KDM2B: variants seen among roughly 807,000 people sequenced by gnomAD.
KDM2B encodes the protein lysine demethylase 2B.
Under a neutral mutation model 150.0 loss-of-function variants are expected in KDM2B, and 26 were observed. The observed-to-expected ratio is 0.17, with a 90% CI of 0.13 to 0.24. KDM2B has a LOEUF of 0.24. Among genes scored for constraint, KDM2B ranks in the 10% least tolerant of loss-of-function variants. The probability of loss-of-function intolerance (pLI) is 1.00; values close to 1 mark genes in which losing one functional copy is unlikely to be tolerated. For missense variants in KDM2B, 1,265 were observed against 1,816.9 expected (o/e 0.70, Z 5.52); for synonymous variants, 734 against 729.5 (o/e 1.01, Z -0.10).
At chr12:121,464,067 A>AT (rs1555294281) in intron 12 of KDM2B, among the ~76,000 whole-genome samples, 3,557 of 152,206 alleles carry the variant, frequency 0.023, 138 homozygotes, top group African/African-American at 0.082. Context: ...CTATATAAAT[A>AT]AAAAATAAAA....
intron 12 of KDM2B, among the ~76,000 whole-genome samples, chr12:121,486,045 G>A (rs150246427): frequency 0.019 from 2,950 of 151,804 alleles, 96 homozygotes; most frequent in African/African-American, 0.068. Context: ...CCAAAGTGCT[G>A]GAATTACAGG....
At chr12:121,500,551 T>C (rs370905017) in intron 11 of KDM2B, among the ~76,000 whole-genome samples, 22 of 152,328 alleles carry the variant, frequency 1.4e-4, no homozygotes, top group African/African-American at 5.3e-4. Context: ...ACTCCCTCCA[T>C]GCCATGACTA....
At chr12:121,543,512 T>A (rs969181479) in intron 6 of KDM2B, among the ~76,000 whole-genome samples, 8 of 151,060 alleles carry the variant, frequency 5.3e-5, no homozygotes, top group African/African-American at 9.7e-5. Flanking sequence ...TCTACAAATT[T>A]AAAAAAAAAT....
chr12:121,443,650 G>C (rs371229389), intron 17 of KDM2B, 30 bp downstream of exon 17: 2 of 1,381,616 alleles, frequency 1.4e-6, no homozygotes, highest in African/African-American at 2.8e-5. Flanking sequence ...AGTCCCCGGG[G>C]CCTCAGGAGG....
At chr12:121,540,562 A>G (rs1186049479) in intron 6 of KDM2B, among the ~76,000 whole-genome samples, 1 of 151,816 alleles carries the variant, frequency 6.6e-6, no homozygotes, top group African/African-American at 2.4e-5. Flanking sequence ...CAGCCTGGCC[A>G]ACATGGTGAA....
intron 12 of KDM2B, among the ~76,000 whole-genome samples, chr12:121,491,569 C>T (rs1334549734): frequency 2.6e-5 from 4 of 151,620 alleles, no homozygotes; most frequent in Non-Finnish European, 5.9e-5. Flanking sequence ...GAGGTGGGCA[C>T]ATCACCTAAG....
intron 4 of KDM2B, among the ~76,000 whole-genome samples, chr12:121,567,723 T>C (rs1371353300): frequency 6.7e-6 from 1 of 148,422 alleles, no homozygotes; most frequent in Non-Finnish European, 1.5e-5. Context: ...TTTTTTTTTT[T>C]TTTTTGAGAC....
intron 6 of KDM2B, among the ~76,000 whole-genome samples, chr12:121,545,382 C>T (rs1555310540): frequency 5.4e-5 from 8 of 149,092 alleles, no homozygotes; most frequent in Admixed American, 3.3e-4. Flanking sequence ...TGACAGACAA[C>T]GGTTTTAAAA....
chr12:121,580,367 TGGG>T, intron 1 of KDM2B: 2 of 447,818 alleles, frequency 4.5e-6, no homozygotes, highest in Non-Finnish European at 2.5e-6. Flanking sequence ...CTTGGGGGGG[TGGG>T]GGCGGCGGCC....
intron 13 of KDM2B, among the ~76,000 whole-genome samples, chr12:121,451,939 A>G (rs1367729996): frequency 6.6e-6 from 1 of 152,154 alleles, no homozygotes. Context: ...TTTGGTACAA[A>G]TACACTTTCA....
chr12:121,516,000 A>C (rs1886151965), intron 9 of KDM2B, among the ~76,000 whole-genome samples: 1 of 152,206 alleles, frequency 6.6e-6, no homozygotes, highest in Non-Finnish European at 1.5e-5. Flanking sequence ...AGTTTAAAAA[A>C]GAGGGGCTCC....
intron 13 of KDM2B, among the ~76,000 whole-genome samples, chr12:121,451,816 G>A (rs1877331425): frequency 1.3e-5 from 2 of 152,012 alleles, no homozygotes; most frequent in Admixed American, 6.6e-5. Flanking sequence ...GGAGACTGAG[G>A]CAGGAGAATC....
chr12:121,491,688 G>T (rs1361902655), intron 12 of KDM2B, among the ~76,000 whole-genome samples: 3 of 151,776 alleles, frequency 2.0e-5, no homozygotes, highest in Admixed American at 1.3e-4. Context: ...CAGCTATTCG[G>T]GAGGCTGAGG....
At chr12:121,458,487 G>C (rs1555293266) in intron 12 of KDM2B, among the ~76,000 whole-genome samples, 2 of 127,512 alleles carry the variant, frequency 1.6e-5, no homozygotes, top group Non-Finnish European at 3.2e-5. Flanking sequence ...ACCTGGAATG[G>C]CCAAAACAAT....
At position 121,532,965 on chromosome 12, in the gene KDM2B, G is replaced by A; in HGVS notation, c.778-6C>T. 6.2e-7 allele frequency: 1 copy of A among 1,614,076 alleles called. No homozygotes were observed. Among genetic ancestry groups the A allele is most frequent in the East Asian group, 2.2e-5 (1 of 44,886 alleles). On this transcript the variant is annotated splice_region_variant and splice_polypyrimidine_tract_variant and intron_variant, in intron 7 of 22. Coordinates refer to ENST00000377071, the MANE Select transcript of KDM2B (RefSeq NM_032590.5). Reference sequence around the variant, plus strand: ...GGAGGAATCAGCCAAAAAATCTTGGGAGAAAACACAGGCAGTCAGCTGGAG... The same window carrying A: ...GGAGGAATCAGCCAAAAAATCTTGGAAGAAAACACAGGCAGTCAGCTGGAG...
At chr12:121,449,249 C>T (rs1306704309) in intron 13 of KDM2B, among the ~76,000 whole-genome samples, 2 of 151,998 alleles carry the variant, frequency 1.3e-5, no homozygotes, top group African/African-American at 4.8e-5. Flanking sequence ...ATGACACTGG[C>T]AGGGACATGG....
chr12:121,570,715 C>T lies in KDM2B; in HGVS notation c.397+3832G>A, dbSNP rs574553733. On this transcript the variant is annotated intron_variant, in intron 4 of 22. Coordinates refer to ENST00000377071, the MANE Select transcript of KDM2B (RefSeq NM_032590.5). ...GGGAAACCAGAACCCCTACACACTG[C>T]TTATGGGAGTGTAAAATGACACAGC... Among the ~76,000 whole-genome samples the T allele has an allele frequency of 4.6e-5, 7 of 152,222 alleles. No individual in the cohort carries two copies. The East Asian group carries it at 1.2e-3, about 25-fold the overall frequency.
chr12:121,490,087 G>C (rs536279896), intron 12 of KDM2B, among the ~76,000 whole-genome samples: 1 of 152,244 alleles, frequency 6.6e-6, no homozygotes, highest in African/African-American at 2.4e-5. Context: ...TTCAGGGAAA[G>C]GCTGTGTGTC....
At chr12:121,479,150 T>C (rs1295844699) in intron 12 of KDM2B, among the ~76,000 whole-genome samples, 1 of 152,044 alleles carries the variant, frequency 6.6e-6, no homozygotes, top group Admixed American at 6.6e-5. Flanking sequence ...TCGGGTCTTT[T>C]TTTAAGAGAT....
Sources: allele counts gnomAD v4.1 joint callset (sites outside exome capture counted in the v4.1 genomes callset), GRCh38; gene constraint gnomAD v4.1.1; transcripts MANE v1.5; gene names NCBI Gene and HGNC (gene_info 2026-07-23, HGNC 2026-07-21).